Variants in CCDC192 observed in about 807,000 individuals in gnomAD.
CCDC192 encodes coiled-coil domain containing 192, also known as coiled-coil domain-containing protein 192.
chr5:127,738,800 C>T (rs976504783), intron 2 of CCDC192, among the ~76,000 whole-genome samples: 71 of 152,294 alleles, frequency 4.7e-4, no homozygotes, highest in Non-Finnish European at 2.4e-4. Flanking sequence ...TTAAGCACTT[C>T]TCTGTATTGG....
rs777942048 is a variant in CCDC192, at chr5:127,918,376, AAC to A, written c.536-22804_536-22803del. ...TTTGTATCTTGAAACTGAGTAAATTAACAGATTATTGACACAAACCATGTTAG... is the reference window on the plus strand; with the variant it reads ...TTTGTATCTTGAAACTGAGTAAATTAAGATTATTGACACAAACCATGTTAG... On this transcript the variant is annotated intron_variant, in intron 6 of 6. Transcript: ENST00000514853. Among the ~76,000 whole-genome samples the A allele has an allele frequency of 1.1e-4, 16 of 152,282 alleles. 1 individual carries two copies. In the South Asian group the frequency reaches 2.9e-3, roughly 28 times the overall value.
chr5:127,796,585 A>G (rs1465117415), intron 3 of CCDC192, among the ~76,000 whole-genome samples: 1 of 152,228 alleles, frequency 6.6e-6, no homozygotes, highest in Non-Finnish European at 1.5e-5. Flanking sequence ...GTGGCTTAGC[A>G]TAGATCTGCC....
At chr5:127,829,902 A>G (rs1304887445) in intron 5 of CCDC192, among the ~76,000 whole-genome samples, 5 of 152,198 alleles carry the variant, frequency 3.3e-5, no homozygotes, top group Non-Finnish European at 4.4e-5. Context: ...TGGCTTGAGT[A>G]GAGTCATGAA....
chr5:127,724,890 T>TATTCAA (rs1752235089), intron 2 of CCDC192, among the ~76,000 whole-genome samples: 6 of 150,026 alleles, frequency 4.0e-5, no homozygotes, highest in Admixed American at 2.0e-4. Flanking sequence ...TAGTTTCAAA[T>TATTCAA]ATTCAAGTAC....
At chr5:127,933,400 T>C (rs2126317383) in intron 6 of CCDC192, among the ~76,000 whole-genome samples, 1 of 152,270 alleles carries the variant, frequency 6.6e-6, no homozygotes, top group Non-Finnish European at 1.5e-5. Flanking sequence ...GAATTACCAC[T>C]TAAATAAATG....
intron 5 of CCDC192, among the ~76,000 whole-genome samples, chr5:127,864,342 A>C (rs1278224823): frequency 1.3e-5 from 2 of 152,200 alleles, no homozygotes; most frequent in Admixed American, 1.3e-4. Context: ...TTTTAAGCCA[A>C]ATCCACAAGT....
At chr5:127,828,671 C>T (rs1276539994) in intron 5 of CCDC192, among the ~76,000 whole-genome samples, 1 of 151,944 alleles carries the variant, frequency 6.6e-6, no homozygotes, top group Non-Finnish European at 1.5e-5. Flanking sequence ...GGGAATAGCC[C>T]CTAATTGAGC....
At chr5:127,822,689 C>T (rs983591858) in intron 5 of CCDC192, among the ~76,000 whole-genome samples, 2 of 152,080 alleles carry the variant, frequency 1.3e-5, no homozygotes, top group East Asian at 1.9e-4. Context: ...TGTGGAAGGA[C>T]GCTCCCTCAG....
chr5:127,711,722 C>T lies in CCDC192; in HGVS notation c.114+3962C>T, dbSNP rs533715363. Among the ~76,000 whole-genome samples, 39 of 152,084 alleles carry T rather than the reference C, an allele frequency of 2.6e-4. 1 individual carries two copies. In the Middle Eastern group the frequency reaches 0.014, roughly 53 times the overall value. The stretch of plus-strand genomic sequence containing the variant: ...TAAATAAGTGATTTAAAGGAGGTAT[C>T]GCTGTTTATTGTTAAGATGAGAACA... On this transcript the variant is annotated intron_variant, in intron 2 of 6. Coordinates refer to ENST00000514853, the MANE Select transcript of CCDC192 (RefSeq NM_001317938.2).
chr5:127,742,281 C>G (rs1753462324), intron 2 of CCDC192, among the ~76,000 whole-genome samples: 1 of 152,114 alleles, frequency 6.6e-6, no homozygotes, highest in African/African-American at 2.4e-5. Flanking sequence ...ACTTCCATGC[C>G]AACAACCTTT....
intron 3 of CCDC192, among the ~76,000 whole-genome samples, chr5:127,760,097 T>TA (rs932528376): frequency 1.3e-4 from 20 of 152,182 alleles, no homozygotes; most frequent in African/African-American, 4.8e-4. Flanking sequence ...GAGAAAACTT[T>TA]TTAAAGTTCA....
chr5:127,849,842 C>G (rs1171492925), intron 5 of CCDC192, among the ~76,000 whole-genome samples: 2 of 152,204 alleles, frequency 1.3e-5, no homozygotes, highest in African/African-American at 4.8e-5. Flanking sequence ...GAAGAAGAAT[C>G]TCTCAGGATA....
intron 6 of CCDC192, among the ~76,000 whole-genome samples, chr5:127,914,791 A>G (rs541633798): frequency 6.6e-6 from 1 of 152,308 alleles, no homozygotes; most frequent in African/African-American, 2.4e-5. Context: ...CTCTTACAAC[A>G]TTATGAGATA....
At chr5:127,835,399 A>G (rs1474722336) in intron 5 of CCDC192, among the ~76,000 whole-genome samples, 1 of 152,138 alleles carries the variant, frequency 6.6e-6, no homozygotes, top group African/African-American at 2.4e-5. Context: ...CAACTTTCAC[A>G]GTCTTCTCTG....
At chr5:127,728,641 G>T (rs1304109353) in intron 2 of CCDC192, among the ~76,000 whole-genome samples, 4 of 152,074 alleles carry the variant, frequency 2.6e-5, no homozygotes. Flanking sequence ...ACATTAACAA[G>T]TCTGCAAAAT....
chr5:127,852,347 A>C (rs905100390), intron 5 of CCDC192, among the ~76,000 whole-genome samples: 1 of 152,244 alleles, frequency 6.6e-6, no homozygotes, highest in African/African-American at 2.4e-5. Flanking sequence ...AGACAGGAGA[A>C]AAGGTGGGTG....
intron 6 of CCDC192, among the ~76,000 whole-genome samples, chr5:127,891,335 T>C (rs1325502851): frequency 6.6e-6 from 1 of 152,232 alleles, no homozygotes; most frequent in Admixed American, 6.5e-5. Flanking sequence ...ATTACAGGTG[T>C]GCACCACTGT....
intron 5 of CCDC192, among the ~76,000 whole-genome samples, chr5:127,865,824 G>A (rs772594932): frequency 3.3e-5 from 5 of 152,014 alleles, no homozygotes; most frequent in Admixed American, 6.6e-5. Flanking sequence ...TATATCTATC[G>A]TTGTCAAGAT....
intron 3 of CCDC192, among the ~76,000 whole-genome samples, chr5:127,758,172 A>G (rs1754719601): frequency 6.6e-6 from 1 of 152,146 alleles, no homozygotes; most frequent in Non-Finnish European, 1.5e-5. Context: ...CTCAGAATGG[A>G]AAGTATAGGT....
Sources: allele counts gnomAD v4.1 joint callset (sites outside exome capture counted in the v4.1 genomes callset), GRCh38; gene constraint gnomAD v4.1.1; transcripts MANE v1.5; gene names NCBI Gene and HGNC (gene_info 2026-07-23, HGNC 2026-07-21).